The following GALNT17 variants were observed in gnomAD, a reference collection of about 807,000 sequenced individuals.
The protein encoded by GALNT17 is polypeptide N-acetylgalactosaminyltransferase 17.
In GALNT17, 29 loss-of-function variants were observed where a neutral mutation model predicts 63.7. That is an observed-to-expected ratio of 0.46 (90% CI 0.34 to 0.62). The LOEUF is 0.62. GALNT17 is among the 20% of genes least tolerant of loss of function. The pLI is 0.01. For missense variants in GALNT17, 603 were observed against 799.6 expected (o/e 0.75, Z 2.97); for synonymous variants, 305 against 318.3 (o/e 0.96, Z 0.45).
intron 6 of GALNT17, among the ~76,000 whole-genome samples, chr7:71,612,547 C>A (rs928154907): frequency 5.9e-5 from 9 of 152,032 alleles, no homozygotes; most frequent in Admixed American, 5.2e-4. Flanking sequence ...TGGCACACAG[C>A]GTAGATGAGA....
intron 3 of GALNT17, among the ~76,000 whole-genome samples, chr7:71,388,964 G>A (rs1355036743): frequency 6.6e-6 from 1 of 152,190 alleles, no homozygotes; most frequent in Non-Finnish European, 1.5e-5. Flanking sequence ...TCCACAGCAG[G>A]AGGTGAGTGG....
At chr7:71,596,229 G>A (rs1394809648) in intron 6 of GALNT17, among the ~76,000 whole-genome samples, 5 of 152,018 alleles carry the variant, frequency 3.3e-5, no homozygotes, top group African/African-American at 1.2e-4. Flanking sequence ...TAGTAGAGAC[G>A]GGGTTTCACC....
chr7:71,601,567 A>C (rs780870877), intron 6 of GALNT17, among the ~76,000 whole-genome samples: 2 of 152,106 alleles, frequency 1.3e-5, no homozygotes. Context: ...AGATCATTTG[A>C]GGACAGGAGC....
At chr7:71,281,893 T>C (rs931672783) in intron 1 of GALNT17, among the ~76,000 whole-genome samples, 2 of 152,222 alleles carry the variant, frequency 1.3e-5, no homozygotes, top group Admixed American at 1.3e-4. Flanking sequence ...GTTAGTGTCG[T>C]GGGATGAAGA....
intron 2 of GALNT17, among the ~76,000 whole-genome samples, chr7:71,345,720 A>C (rs11768963): frequency 0.27 from 40,966 of 152,014 alleles, 6,043 homozygotes; most frequent in East Asian, 0.48. Flanking sequence ...GAGTGGAGCA[A>C]ATCTACTCAT....
At chr7:71,287,398 G>C (rs1483016176) in intron 1 of GALNT17, among the ~76,000 whole-genome samples, 1 of 152,050 alleles carries the variant, frequency 6.6e-6, no homozygotes, top group Non-Finnish European at 1.5e-5. Flanking sequence ...CTGCTTTTAA[G>C]GTCCTTAAAG....
chr7:71,547,277 G>GT (rs762821626), intron 5 of GALNT17, among the ~76,000 whole-genome samples: 4 of 152,004 alleles, frequency 2.6e-5, no homozygotes, highest in Non-Finnish European at 5.9e-5. Flanking sequence ...CAGTTCTCCT[G>GT]CCTCAGCCTC....
At chr7:71,567,997 G>T (rs1203600034) in intron 5 of GALNT17, among the ~76,000 whole-genome samples, 7 of 152,106 alleles carry the variant, frequency 4.6e-5, no homozygotes, top group Non-Finnish European at 1.0e-4. Context: ...GCCGATGAGG[G>T]TCCGAGACTA....
intron 6 of GALNT17, among the ~76,000 whole-genome samples, chr7:71,653,318 G>C (rs1790780172): frequency 6.6e-6 from 1 of 151,038 alleles, no homozygotes; most frequent in Non-Finnish European, 1.5e-5. Context: ...CCGGCCCTAG[G>C]TAAGGGTTTT....
At chr7:71,638,661 G>A (rs112945789) in intron 6 of GALNT17, among the ~76,000 whole-genome samples, 4,669 of 152,284 alleles carry the variant, frequency 0.031, 211 homozygotes, top group African/African-American at 0.1. Flanking sequence ...GAGTCTGAGA[G>A]TGTAGGTTTA....
Position 71,615,572 on chromosome 7 carries a change from G to C in GALNT17, c.1080+44170G>C, listed in dbSNP as rs374103146. 9.4e-4 allele frequency among the ~76,000 whole-genome samples: 139 copies of C among 147,516 alleles called. No individual in the cohort carries two copies. The South Asian group carries it at 0.013, about 14-fold the overall frequency. On this transcript the variant is annotated intron_variant, in intron 6 of 10. Transcript: ENST00000333538. ...GCTCACTGCAACCTCTGCCTCCTGGGCTCAAAGGATTCTCCTGCCTCACCC... is the reference window on the plus strand; with the variant it reads ...GCTCACTGCAACCTCTGCCTCCTGGCCTCAAAGGATTCTCCTGCCTCACCC...
chr7:71,631,625 G>A (rs184866916), intron 6 of GALNT17, among the ~76,000 whole-genome samples: 7 of 152,254 alleles, frequency 4.6e-5, no homozygotes, highest in African/African-American at 1.4e-4. Flanking sequence ...GAGCAAGGAG[G>A]CCACTGTGGC....
intron 6 of GALNT17, among the ~76,000 whole-genome samples, chr7:71,624,536 A>G (rs1790343495): frequency 6.6e-6 from 1 of 151,938 alleles, no homozygotes; most frequent in Admixed American, 6.5e-5. Context: ...TGGTTTCATC[A>G]GTAAGTGTCA....
At chr7:71,490,453 G>T (rs1262379771) in intron 5 of GALNT17, among the ~76,000 whole-genome samples, 22 of 152,080 alleles carry the variant, frequency 1.4e-4, no homozygotes, top group Admixed American at 1.4e-3. Flanking sequence ...AGTGTTTGTT[G>T]TGCATGGTGG....
At chr7:71,162,404 TCATCCATCCATC>T (rs547638443) in intron 1 of GALNT17, among the ~76,000 whole-genome samples, 3 of 149,348 alleles carry the variant, frequency 2.0e-5, no homozygotes, top group Admixed American at 6.6e-5. Flanking sequence ...TGAATTGAGT[TCATCCATCCATC>T]CATCCATCCA....
At chr7:71,448,331 A>G (rs1336798180) in intron 5 of GALNT17, among the ~76,000 whole-genome samples, 1 of 151,446 alleles carries the variant, frequency 6.6e-6, no homozygotes, top group African/African-American at 2.4e-5. Flanking sequence ...ATGTGTGTGC[A>G]TTGTTGATAT....
chr7:71,196,639 T>A (rs907873028), intron 1 of GALNT17, among the ~76,000 whole-genome samples: 20 of 151,018 alleles, frequency 1.3e-4, no homozygotes, highest in South Asian at 4.2e-4. Context: ...AAAAAAAAAA[T>A]TATTATTATT....
At chr7:71,281,332 CTG>C (rs1790773983) in intron 1 of GALNT17, among the ~76,000 whole-genome samples, 1 of 152,106 alleles carries the variant, frequency 6.6e-6, no homozygotes, top group Non-Finnish European at 1.5e-5. Flanking sequence ...CATAGTGAGA[CTG>C]TTTCTATAAT....
intron 6 of GALNT17, among the ~76,000 whole-genome samples, chr7:71,610,183 T>A (rs1054974400): frequency 2.6e-5 from 4 of 152,144 alleles, no homozygotes; most frequent in Non-Finnish European, 5.9e-5. Flanking sequence ...TGGAAAGATA[T>A]CCTAGCCATT....
Sources: gnomAD v4.1 joint callset for allele counts (sites outside exome capture counted in the v4.1 genomes callset) on GRCh38, gnomAD v4.1.1 for gene constraint, MANE v1.5 for transcripts, NCBI Gene and HGNC (gene_info 2026-07-23, HGNC 2026-07-21) for gene names.